ZNF534: variants seen among roughly 807,000 people sequenced by gnomAD.
ZNF534 encodes KRAB domain only 3.
In ZNF534, 19 loss-of-function variants were observed where a neutral mutation model predicts 13.6. The ratio of observed to expected loss-of-function variants is 1.40; its 90% confidence interval spans 0.97 to 2.05. The LOEUF (loss-of-function observed/expected upper bound fraction) is 2.05, where lower values mean the gene tolerates loss of function less well. ZNF534 is among the 30% of genes most tolerant of loss of function. ZNF534 has a pLI of 0.00. For missense variants in ZNF534, 782 were observed against 796.3 expected, an observed-to-expected ratio of 0.98 and a Z score of 0.22; for synonymous variants, 244 against 273.8, an observed-to-expected ratio of 0.89 and a Z score of 1.07.
At position 52,439,943 on chromosome 19, in the gene ZNF534, T is replaced by C. The variant is rs2608499; in HGVS notation, c.*497T>C. Among the ~76,000 whole-genome samples the C allele has an allele frequency of 0.91, 138,160 of 151,704 alleles. 63,228 individuals carry two copies. The highest frequency in any genetic ancestry group is 0.96 in the Non-Finnish European group (65,559 of 67,996). On this transcript the variant is annotated 3_prime_UTR_variant, in exon 5 of 5. Coordinates refer to ENST00000433050, the MANE Select transcript of ZNF534 (RefSeq NM_001143938.3). Reference sequence around the variant, plus strand: ...ATTAGCTGACTGAGGTGGCAGGCACTTGTGATCCCAGCTACTCAGGAGGCT... The same window carrying C: ...ATTAGCTGACTGAGGTGGCAGGCACCTGTGATCCCAGCTACTCAGGAGGCT...
downstream of ZNF534, among the ~76,000 whole-genome samples, chr19:52,444,008 G>A (rs1262929169): frequency 2.0e-5 from 3 of 151,842 alleles, no homozygotes; most frequent in African/African-American, 4.8e-5. Context: ...GGTAAATCAG[G>A]GATTTCTTCT....
At position 52,439,290 on chromosome 19, in the gene ZNF534, A is replaced by G. The variant is rs1363010261; in HGVS notation, c.1830A>G (p.Glu610=). Residue 610 remains glutamate, a synonymous_variant, in exon 5 of 5, where the codon GAA becomes GAG. Transcript: ENST00000433050. ...HTGEKLYKCN[E]CSKVFSRNSR... ...GAGAGAAGCTTTACAAATGTAATGAATGTAGCAAGGTCTTCAGTCGGAATT... is the reference window on the plus strand; with the variant it reads ...GAGAGAAGCTTTACAAATGTAATGAGTGTAGCAAGGTCTTCAGTCGGAATT... The G allele has an allele frequency of 3.2e-6, 5 of 1,563,654 alleles. No homozygotes were observed. Among genetic ancestry groups the G allele is most frequent in the Non-Finnish European group, 4.3e-6 (5 of 1,153,824 alleles).
At position 52,437,956 on chromosome 19, in the gene ZNF534, G is replaced by A; in HGVS notation, c.496G>A (p.Asp166Asn). The change falls in exon 5 of 5, where the codon GAT becomes AAT. Residue 166 changes from aspartate to asparagine, a missense_variant. Physicochemically the swap from Asp to Asn is conservative, Grantham distance 23. Around this residue, in one of 5 missense-constraint regions of ZNF534, gnomAD observed 591 missense variants for 574.0 expected, o/e 1.03. Transcript: ENST00000433050. ...KTHIFNNYRN[D>N]FLFSTLLPQE... is the part of the protein sequence containing the mutation. ...CCATATTTTTAATAACTACAGAAAT[G>A]ATTTTCTTTTTTCTACATTACTCCC... 22 of 1,613,434 alleles carry A rather than the reference G, an allele frequency of 1.4e-5. No homozygotes were observed. The highest frequency in any genetic ancestry group is 1.8e-5 in the Non-Finnish European group (21 of 1,179,812).
chr19:52,433,236 CAAAAAAAAAAA>C (rs1171627054), intron 2 of ZNF534, among the ~76,000 whole-genome samples: 169 of 64,618 alleles, frequency 2.6e-3, no homozygotes, highest in Middle Eastern at 9.6e-3. Context: ...GATCCTATCT[CAAAAAAAAAAA>C]AAAAAAAAAA....
At chr19:52,433,640 A>G (rs987687217) in intron 2 of ZNF534, among the ~76,000 whole-genome samples, 1 of 152,244 alleles carries the variant, frequency 6.6e-6, no homozygotes, top group Non-Finnish European at 1.5e-5. Context: ...TGCTGGGATT[A>G]CAGGCATGAG....
rs776411281 is a variant in ZNF534, at chr19:52,438,063, T to C, written c.603T>C (p.Leu201=). ...AAGTCTTCAGAGTGTCTTCAAGCCT[T>C]ACTAACCGTCAAGTAATCCACATTG... ...HGKVFRVSSS[L]TNRQVIHIAD... The change falls in exon 5 of 5, where the codon CTT becomes CTC. Residue 201 remains leucine, a synonymous_variant. Transcript: ENST00000433050. 1.2e-6 allele frequency: 2 copies of C among 1,614,184 alleles called. No homozygotes were observed.
chr19:52,445,738 G>GA (rs2059192486), downstream of ZNF534, among the ~76,000 whole-genome samples: 1 of 13,354 alleles, frequency 7.5e-5, no homozygotes, highest in Non-Finnish European at 1.7e-4. Flanking sequence ...CAGTCATTCT[G>GA]GAGCAAAAAT....
exon 5 of ZNF534, chr19:52,451,324 T>C (rs2059214658): frequency 2.7e-6 from 3 of 1,125,240 alleles, no homozygotes; most frequent in Admixed American, 1.9e-5. Flanking sequence ...TCTGCTACCA[T>C]TTCCTTCCGT....
At chr19:52,451,379 A>C (rs1316095563) in exon 5 of ZNF534, 13 of 882,058 alleles carry the variant, frequency 1.5e-5, no homozygotes, top group Non-Finnish European at 2.2e-5. Flanking sequence ...CTCACGGCAG[A>C]GGGCCGAGGC....
At chr19:52,444,875 C>G (rs928158695), downstream of ZNF534, among the ~76,000 whole-genome samples, 1 of 152,132 alleles carries the variant, frequency 6.6e-6, no homozygotes. Flanking sequence ...AGCAGGAAGT[C>G]TGTTTCCAGG....
intron 1 of ZNF534, among the ~76,000 whole-genome samples, chr19:52,430,174 G>A (rs1360879858): frequency 1.3e-5 from 2 of 151,216 alleles, no homozygotes; most frequent in Non-Finnish European, 2.9e-5. Context: ...CACCACCACG[G>A]CCGGCTAGTT....
rs1358084602 is a variant in ZNF534, at chr19:52,451,302, C to T, written c.387C>T (p.Pro129=). The change falls in exon 5 of 5, where the codon CCC becomes CCT. Residue 129 remains proline, a synonymous_variant. Transcript: ENST00000301085. ...TTGTGGGAAATGACTCCCCTCTGCC[C>T]TCGCCCCTCGCTCTGCTACCATTTC... is the stretch of plus-strand genomic sequence containing the variant. 6 of 1,109,902 alleles carry T rather than the reference C, an allele frequency of 5.4e-6. No homozygotes were observed. The Admixed American group carries it at 5.8e-5, about 11-fold the overall frequency. 68.8% of individuals were successfully genotyped at this position (1,109,902 alleles called of 1,614,324 possible). A position where few individuals can be genotyped will look rare whatever the true frequency, so the allele number is the denominator to read the frequency against.
At chr19:52,444,619 T>G (rs945436774), downstream of ZNF534, among the ~76,000 whole-genome samples, 1 of 151,530 alleles carries the variant, frequency 6.6e-6, no homozygotes, top group East Asian at 1.9e-4. Context: ...GGACCATCAG[T>G]TGGGGGCAGG....
At chr19:52,445,651 T>C (rs935057644), downstream of ZNF534, among the ~76,000 whole-genome samples, 4 of 152,222 alleles carry the variant, frequency 2.6e-5, no homozygotes, top group Non-Finnish European at 5.9e-5. Context: ...GGGTGTCTCC[T>C]GGGTCCTGCG....
downstream of ZNF534, among the ~76,000 whole-genome samples, chr19:52,443,507 G>A (rs1278888407): frequency 2.0e-5 from 3 of 151,874 alleles, no homozygotes; most frequent in African/African-American, 4.8e-5. Context: ...CTCATCTTAC[G>A]TTGGGAGGCT....
At chr19:52,433,842 A>G in intron 2 of ZNF534, 113 bp from the exon 3 acceptor site, 2 of 1,200,758 alleles carry the variant, frequency 1.7e-6, no homozygotes, top group Non-Finnish European at 2.5e-6. Context: ...TTTAATGTGG[A>G]TTTGGCGCAG....
chr19:52,434,913 C>T lies in ZNF534; in HGVS notation c.143-168C>T, dbSNP rs112381015. On this transcript the variant is annotated intron_variant, in intron 3 of 4. Coordinates refer to ENST00000433050, the MANE Select transcript of ZNF534 (RefSeq NM_001143938.3). Reference sequence around the variant, plus strand: ...CAGTAGTTCTTGAAAGGGGGCTTGACGTCTACATGTTACAATGTTCCCTTA... The same window carrying T: ...CAGTAGTTCTTGAAAGGGGGCTTGATGTCTACATGTTACAATGTTCCCTTA... Among the ~76,000 whole-genome samples, 7 of 152,222 alleles carry T rather than the reference C, an allele frequency of 4.6e-5. No individual in the cohort carries two copies. In the South Asian group the frequency reaches 1.0e-3, roughly 23 times the overall value.
Position 52,433,962 on chromosome 19 carries a change from T to C in ZNF534, c.23T>C (p.Leu8Ser), listed in dbSNP as rs1218426010. 2.5e-6 allele frequency: 4 copies of C among 1,613,946 alleles called. No homozygotes were observed. In the Admixed American group the frequency reaches 6.7e-5, roughly 27 times the overall value. The change falls in exon 3 of 5, where the codon TTG becomes TCG. Residue 8 changes from leucine (L) to serine (S), a missense_variant. Coordinates refer to ENST00000433050, the MANE Select transcript of ZNF534 (RefSeq NM_001143938.3). ...ATGTGGATTTCCTTTTAGGGGCAAT[T>C]GTCATTCAGCGATGTGGCCATAGAA... is the stretch of plus-strand genomic sequence containing the variant. The part of the protein sequence containing the change: MALTQGQ[L>S]SFSDVAIEFS...
At chr19:52,444,030 C>A (rs903257482), downstream of ZNF534, among the ~76,000 whole-genome samples, 1 of 151,756 alleles carries the variant, frequency 6.6e-6, no homozygotes, top group Non-Finnish European at 1.5e-5. Flanking sequence ...GGTTTGTATC[C>A]ATTGCTAGTG....
Sources: allele counts gnomAD v4.1 joint callset (sites outside exome capture counted in the v4.1 genomes callset), GRCh38; gene constraint gnomAD v4.1.1; regional missense constraint gnomAD v4.1.1; transcripts MANE v1.5; gene names NCBI Gene and HGNC (gene_info 2026-07-23, HGNC 2026-07-21).